Variants in ROCK1 observed in about 807,000 individuals in gnomAD.
The protein encoded by ROCK1 is Rho associated coiled-coil containing protein kinase 1.
In ROCK1, 36 loss-of-function variants were observed where a neutral mutation model predicts 196.8. That is an observed-to-expected ratio of 0.18 (90% confidence interval 0.14 to 0.24). ROCK1 has a LOEUF of 0.24. Among genes scored for constraint, ROCK1 ranks in the 10% least tolerant of loss-of-function variants. The pLI is 1.00. For missense variants in ROCK1, 920 were observed against 1,562.0 expected, an observed-to-expected ratio of 0.59 and a Z score of 6.93; for synonymous variants, 443 against 515.9, an observed-to-expected ratio of 0.86 and a Z score of 1.91.
intron 27 of ROCK1, among the ~76,000 whole-genome samples, chr18:20,964,484 G>A (rs1476557204): frequency 6.6e-6 from 1 of 151,924 alleles, no homozygotes; most frequent in Non-Finnish European, 1.5e-5. Context: ...CCACAGAGAG[G>A]TAAATAATAT....
chr18:21,019,032 AGTTACTGCTCTG>A (rs1333155466), intron 12 of ROCK1, among the ~76,000 whole-genome samples: 1 of 152,234 alleles, frequency 6.6e-6, no homozygotes, highest in Non-Finnish European at 1.5e-5. Flanking sequence ...AGATACTCTG[AGTTACTGCTCTG>A]GTGAACCACA....
At position 20,953,799 on chromosome 18, in the gene ROCK1, G is replaced by GAA; in HGVS notation, c.3854-16_3854-15dup. The GAA allele has an allele frequency of 1.8e-6, 2 of 1,126,376 alleles. No individual in the cohort carries two copies. Among genetic ancestry groups the GAA allele is most frequent in the Non-Finnish European group, 2.5e-6 (2 of 812,378 alleles). 69.8% of individuals were successfully genotyped at this position (1,126,376 alleles called of 1,614,324 possible). ...CATCATAACTTACTATGTTAAGGAG[G>GAA]AAAAAAAAAGCATAATTAAAGCCAT... On this transcript the variant is annotated splice_polypyrimidine_tract_variant and intron_variant, in intron 31 of 32. Coordinates refer to ENST00000399799, the MANE Select transcript of ROCK1 (RefSeq NM_005406.3).
chr18:20,999,534 T>C (rs761935446), intron 16 of ROCK1, among the ~76,000 whole-genome samples: 3 of 151,652 alleles, frequency 2.0e-5, no homozygotes, highest in South Asian at 2.1e-4. Context: ...AAAAAGAAAA[T>C]TGAGAAAATT....
At chr18:21,091,911 C>A (rs2036573461) in intron 1 of ROCK1, among the ~76,000 whole-genome samples, 2 of 149,210 alleles carry the variant, frequency 1.3e-5, no homozygotes, top group South Asian at 4.3e-4. Context: ...GGCGGTGGGG[C>A]AAAGGTTGCA....
At chr18:20,981,934 A>T (rs117298501) in intron 21 of ROCK1, among the ~76,000 whole-genome samples, 2,968 of 152,372 alleles carry the variant, frequency 0.019, 45 homozygotes, top group Non-Finnish European at 0.031. Context: ...GAAAAAAGAC[A>T]AATCTTAAAA....
chr18:21,042,323 A>C, intron 7 of ROCK1, 88 bp from the exon 8 acceptor site: 1 of 1,222,582 alleles, frequency 8.2e-7, no homozygotes, highest in Non-Finnish European at 1.1e-6. Flanking sequence ...TACCCGTTTA[A>C]AAAGATTATT....
intron 9 of ROCK1, among the ~76,000 whole-genome samples, chr18:21,032,779 C>A (rs188253393): frequency 5.3e-5 from 8 of 151,448 alleles, no homozygotes; most frequent in Admixed American, 2.0e-4. Context: ...GCCTTGGCCT[C>A]CCAAAGTGTT....
chr18:21,040,243 T>C (rs538903479), intron 8 of ROCK1, among the ~76,000 whole-genome samples: 122 of 152,292 alleles, frequency 8.0e-4, no homozygotes, highest in African/African-American at 2.8e-3. Context: ...GGCTTTTTTT[T>C]CCCCAACCAA....
At chr18:21,072,406 G>A (rs1482820107) in intron 1 of ROCK1, among the ~76,000 whole-genome samples, 2 of 152,142 alleles carry the variant, frequency 1.3e-5, no homozygotes, top group Admixed American at 1.3e-4. Flanking sequence ...AGGTTTCTAA[G>A]GGGAGTCAAG....
intron 1 of ROCK1, among the ~76,000 whole-genome samples, chr18:21,087,909 T>A (rs1216019652): frequency 6.6e-6 from 1 of 152,206 alleles, no homozygotes; most frequent in Non-Finnish European, 1.5e-5. Flanking sequence ...CACCACATTG[T>A]GTGCCATAAT....
intron 29 of ROCK1, among the ~76,000 whole-genome samples, chr18:20,959,212 A>G (rs1465291540): frequency 3.7e-5 from 3 of 80,306 alleles, no homozygotes; most frequent in African/African-American, 9.6e-5. Flanking sequence ...TACATATAAT[A>G]TATATATTTT....
At chr18:20,980,379 G>A (rs2035519552) in intron 21 of ROCK1, among the ~76,000 whole-genome samples, 1 of 152,194 alleles carries the variant, frequency 6.6e-6, no homozygotes, top group Admixed American at 6.5e-5. Context: ...GTTAAAGAGT[G>A]TATACTGTGA....
At chr18:20,971,596 G>C (rs2035428891) in intron 22 of ROCK1, among the ~76,000 whole-genome samples, 1 of 151,416 alleles carries the variant, frequency 6.6e-6, no homozygotes, top group Non-Finnish European at 1.5e-5. Context: ...AATTAGCCAG[G>C]TGTGGTGGTG....
chr18:20,969,426 G>T, intron 23 of ROCK1: 1 of 360,702 alleles, frequency 2.8e-6, no homozygotes, highest in African/African-American at 2.1e-5. Flanking sequence ...ATAGATATAT[G>T]TATGAACAAA....
At chr18:21,102,754 TACTC>T (rs1478910676) in intron 1 of ROCK1, among the ~76,000 whole-genome samples, 1 of 152,024 alleles carries the variant, frequency 6.6e-6, no homozygotes, top group Non-Finnish European at 1.5e-5. Context: ...TAGTCCCAGT[TACTC>T]AAGAGGCTGA....
rs2035983902 is a variant in ROCK1, at chr18:21,028,940, A to T, written c.1052-5T>A. 6.2e-7 allele frequency: 1 copy of T among 1,603,388 alleles called. No individual in the cohort carries two copies. The highest frequency in any genetic ancestry group is 1.3e-5 in the African/African-American group (1 of 74,378). ...CGGGTACAACTGGTGCTACAGCTAA[A>T]GACAAAACAAAATTAGTTGTTCACT... On this transcript the variant is annotated splice_polypyrimidine_tract_variant and splice_region_variant and intron_variant, in intron 9 of 32. Transcript: ENST00000399799.
chr18:21,065,962 A>G (rs2036330944), intron 2 of ROCK1, among the ~76,000 whole-genome samples: 1 of 152,192 alleles, frequency 6.6e-6, no homozygotes, highest in African/African-American at 2.4e-5. Context: ...ATTTAATATG[A>G]CTTAAGCTGA....
intron 7 of ROCK1, 107 bp from the exon 8 acceptor site, chr18:21,042,342 A>T: frequency 9.2e-7 from 1 of 1,092,140 alleles, no homozygotes; most frequent in Non-Finnish European, 1.3e-6. Flanking sequence ...TTAGGTATGT[A>T]TTAAACTAAA....
chr18:21,038,687 T>C (rs1353098364), intron 9 of ROCK1, among the ~76,000 whole-genome samples: 1 of 152,222 alleles, frequency 6.6e-6, no homozygotes, highest in Admixed American at 6.5e-5. Flanking sequence ...TTGTTACTAT[T>C]CACTGCTATT....
Sources: gnomAD v4.1 joint callset for allele counts (sites outside exome capture counted in the v4.1 genomes callset) on GRCh38, gnomAD v4.1.1 for gene constraint, MANE v1.5 for transcripts, NCBI Gene and HGNC (gene_info 2026-07-23, HGNC 2026-07-21) for gene names.